The following SLC35F3 variants were observed in gnomAD, a reference collection of about 807,000 sequenced individuals.
The protein encoded by SLC35F3 is putative thiamine transporter SLC35F3.
SLC35F3 carries 25 observed loss-of-function variants against 49.9 expected under a neutral mutation model. That is an observed-to-expected ratio of 0.50 (90% CI 0.37 to 0.70). SLC35F3 has a LOEUF of 0.70. SLC35F3 is among the 30% of genes least tolerant of loss of function. The probability of loss-of-function intolerance (pLI) is 0.00; values close to 1 mark genes in which losing one functional copy is unlikely to be tolerated. For missense variants in SLC35F3, 525 were observed against 639.8 expected (o/e 0.82, Z 1.94); for synonymous variants, 275 against 265.4 (o/e 1.04, Z -0.35).
At chr1:233,980,644 A>G (rs935891672) in intron 2 of SLC35F3, among the ~76,000 whole-genome samples, 1 of 152,206 alleles carries the variant, frequency 6.6e-6, no homozygotes, top group East Asian at 1.9e-4. Flanking sequence ...GCTTGAAATA[A>G]GCTGAGAATT....
At chr1:234,104,340 T>C (rs1488722640) in intron 2 of SLC35F3, among the ~76,000 whole-genome samples, 1 of 152,060 alleles carries the variant, frequency 6.6e-6, no homozygotes, top group Non-Finnish European at 1.5e-5. Context: ...CTCTTGAATA[T>C]AGGTAGCAAG....
intron 3 of SLC35F3, among the ~76,000 whole-genome samples, chr1:234,263,430 G>T (rs1236383629): frequency 6.6e-6 from 1 of 152,126 alleles, no homozygotes; most frequent in African/African-American, 2.4e-5. Flanking sequence ...TGAAATCTTA[G>T]GTAAAATTCA....
At chr1:234,316,581 C>A in intron 4 of SLC35F3, 21 bp from the exon 5 acceptor site, 1 of 1,593,776 alleles carries the variant, frequency 6.3e-7, no homozygotes, top group Non-Finnish European at 8.6e-7. Flanking sequence ...CCCTGACCAG[C>A]ATTTTCTTCC....
intron 2 of SLC35F3, among the ~76,000 whole-genome samples, chr1:233,916,133 T>G (rs1293575902): frequency 6.6e-6 from 1 of 152,256 alleles, no homozygotes; most frequent in African/African-American, 2.4e-5. Context: ...ATTGGCCAGA[T>G]AAAATATAGT....
chr1:234,021,910 A>G (rs1232019830), intron 2 of SLC35F3, among the ~76,000 whole-genome samples: 2 of 152,116 alleles, frequency 1.3e-5, no homozygotes, highest in African/African-American at 4.8e-5. Flanking sequence ...GTACAGTCCC[A>G]AGAGTGTATT....
chr1:234,080,599 A>T (rs904629257), intron 2 of SLC35F3, among the ~76,000 whole-genome samples: 1 of 152,350 alleles, frequency 6.6e-6, no homozygotes, highest in Admixed American at 6.5e-5. Context: ...TGAAGTGCTG[A>T]TGAATGCTTC....
In SLC35F3 at chr1:234,214,518, G is replaced by A. The variant is rs775639171; in HGVS notation, c.284-16899G>A. 4 of 1,550,830 alleles carry A rather than the reference G, an allele frequency of 2.6e-6. No homozygotes were observed. The highest frequency in any genetic ancestry group is 2.6e-6 in the Non-Finnish European group (3 of 1,150,942). On this transcript the variant is annotated intron_variant, in intron 2 of 7. Transcript: ENST00000366618. This position sits in a 1 kb window ranked among gnomAD's most constrained non-coding sequence, Gnocchi z 8.0. The stretch of plus-strand genomic sequence containing the variant: ...CTCATCATGAAGAAGCACTCGGCCC[G>A]GGTGGCCCCGCTCAGCGCCTGCAAC...
intron 3 of SLC35F3, among the ~76,000 whole-genome samples, chr1:234,275,751 T>TGA: frequency 1.0e-5 from 1 of 96,746 alleles, no homozygotes; most frequent in South Asian, 3.3e-4. Flanking sequence ...TGGTAAGTAT[T>TGA]GAAAAAAAAA....
chr1:234,022,781 G>T, intron 2 of SLC35F3, among the ~76,000 whole-genome samples: 1 of 152,170 alleles, frequency 6.6e-6, no homozygotes, highest in East Asian at 1.9e-4. Flanking sequence ...ATGTTCCACT[G>T]TATTGAGCCT....
intron 2 of SLC35F3, among the ~76,000 whole-genome samples, chr1:234,189,882 A>G (rs1666706313): frequency 6.6e-6 from 1 of 152,354 alleles, no homozygotes; most frequent in South Asian, 2.1e-4. Flanking sequence ...AACAGAAACC[A>G]TACAAGCTAG....
chr1:234,084,795 T>G (rs1664937197), intron 2 of SLC35F3, among the ~76,000 whole-genome samples: 1 of 149,616 alleles, frequency 6.7e-6, no homozygotes, highest in Admixed American at 6.7e-5. Context: ...AGGATCTGGT[T>G]GTTCCTGACA....
chr1:233,935,570 T>C (rs1205920027), intron 2 of SLC35F3, among the ~76,000 whole-genome samples: 1 of 152,144 alleles, frequency 6.6e-6, no homozygotes, highest in Non-Finnish European at 1.5e-5. Flanking sequence ...CTTAAGACTT[T>C]TGCTTTCTGT....
chr1:234,255,003 G>C (rs188819165), intron 3 of SLC35F3, among the ~76,000 whole-genome samples: 4 of 152,264 alleles, frequency 2.6e-5, no homozygotes, highest in South Asian at 2.1e-4. Context: ...TTTGTTTTGC[G>C]TAATTTATTT....
chr1:234,187,925 T>G (rs1285248998), intron 2 of SLC35F3, among the ~76,000 whole-genome samples: 1 of 152,174 alleles, frequency 6.6e-6, no homozygotes, highest in Non-Finnish European at 1.5e-5. Context: ...GAATCTGATG[T>G]GCAGACTCAA....
rs761331292 is a variant in SLC35F3, at chr1:234,304,042, CTTCTTTCT to C, written c.609-5055_609-5048del. ...CCTTCCTTCCTTCCTTCCTTCCTTC[CTTCTTTCT>C]TTCCTTCCTTTCCTTCCTTCCTTTC... On this transcript the variant is annotated intron_variant, in intron 3 of 7. Transcript: ENST00000366618. Among the ~76,000 whole-genome samples the C allele has an allele frequency of 3.8e-3, 169 of 44,030 alleles. 1 individual carries two copies. Among genetic ancestry groups the C allele is most frequent in the Middle Eastern group, 0.029 (1 of 34 alleles). 28.9% of individuals were successfully genotyped at this position (44,030 alleles called of 152,430 possible). A position where few individuals can be genotyped will look rare whatever the true frequency, so the allele number is the denominator to read the frequency against.
intron 3 of SLC35F3, among the ~76,000 whole-genome samples, chr1:234,238,781 CT>C (rs1667512760): frequency 1.3e-5 from 2 of 152,122 alleles, no homozygotes; most frequent in South Asian, 4.1e-4. Flanking sequence ...TCTTGATCTC[CT>C]TTTTTTCTAT....
intron 2 of SLC35F3, among the ~76,000 whole-genome samples, chr1:233,966,102 G>A (rs192715413): frequency 2.2e-4 from 33 of 152,292 alleles, no homozygotes; most frequent in African/African-American, 7.5e-4. Context: ...CCACAAGAGG[G>A]AAATGGTCTT....
At chr1:234,118,568 A>G (rs553557278) in intron 2 of SLC35F3, among the ~76,000 whole-genome samples, 1 of 152,280 alleles carries the variant, frequency 6.6e-6, no homozygotes, top group Non-Finnish European at 1.5e-5. Flanking sequence ...GGGAAGAGTG[A>G]CAGTGACCAG....
intron 3 of SLC35F3, among the ~76,000 whole-genome samples, chr1:234,302,972 C>T (rs189189085): frequency 2.6e-4 from 39 of 152,256 alleles, no homozygotes; most frequent in African/African-American, 8.9e-4. Flanking sequence ...TCCACATCTG[C>T]CTACTCTCAG....
Sources: allele counts gnomAD v4.1 joint callset (sites outside exome capture counted in the v4.1 genomes callset), GRCh38; gene constraint gnomAD v4.1.1; non-coding constraint Gnocchi (gnomAD v3.1); transcripts MANE v1.5; gene names NCBI Gene and HGNC (gene_info 2026-07-23, HGNC 2026-07-21).